CAST: variants seen among roughly 807,000 people sequenced by gnomAD.
CAST encodes MIR583 host.
Under a neutral mutation model 119.6 loss-of-function variants are expected in CAST, and 76 were observed. That is an observed-to-expected ratio of 0.64 (90% CI 0.53 to 0.77). The LOEUF (loss-of-function observed/expected upper bound fraction) is 0.77. Ranked by LOEUF, CAST falls within the 30% of genes least tolerant of loss-of-function variation. The pLI is 0.00. For synonymous variants in CAST, 319 were observed against 331.6 expected, an observed-to-expected ratio of 0.96 and a Z score of 0.41; for missense variants, 953 against 946.5, an observed-to-expected ratio of 1.01 and a Z score of -0.09.
Position 96,756,454 on chromosome 5 carries a change from C to G in CAST, c.1711-990C>G, listed in dbSNP as rs114751980. Among the ~76,000 whole-genome samples, 526 of 152,296 alleles carry G rather than the reference C, an allele frequency of 3.5e-3. 2 individuals carry two copies. Among genetic ancestry groups the G allele is most frequent in the Non-Finnish European group, 5.6e-3 (384 of 68,032 alleles). The stretch of plus-strand genomic sequence containing the variant: ...ATCCCTCATCTGACATGCCTGGGGA[C>G]CAGAACTGTTTCAGATTTCAGACTT... On this transcript the variant is annotated intron_variant, in intron 22 of 31. Coordinates refer to ENST00000675179, the MANE Select transcript of CAST (RefSeq NM_001750.7).
At chr5:96,023,098 G>T in the CAST span, among the ~76,000 whole-genome samples, 2 of 152,286 alleles carry the variant, frequency 1.3e-5, no homozygotes, top group East Asian at 3.9e-4. Flanking sequence ...CCCAAGAATG[G>T]CTGGGGAAAG....
chr5:96,632,937 T>G (rs1451323941), intron 1 of CAST, among the ~76,000 whole-genome samples: 3 of 152,180 alleles, frequency 2.0e-5, no homozygotes, highest in Admixed American at 1.3e-4. Context: ...GGGATTGCAT[T>G]TATTCCATAT....
chr5:96,012,168 T>G, the CAST span, among the ~76,000 whole-genome samples: 1 of 152,332 alleles, frequency 6.6e-6, no homozygotes, highest in East Asian at 1.9e-4. Context: ...TGTCCTGATT[T>G]ATGACTATGG....
At chr5:96,740,598 G>T (rs953304084) in intron 12 of CAST, 147 bp from the exon 13 acceptor site, 16 of 658,314 alleles carry the variant, frequency 2.4e-5, no homozygotes, top group Non-Finnish European at 4.1e-5. Flanking sequence ...CTCAAAATCA[G>T]GTCTCGTTTT....
chr5:96,451,120 A>G, the CAST span, among the ~76,000 whole-genome samples: 3 of 151,920 alleles, frequency 2.0e-5, no homozygotes, highest in Non-Finnish European at 4.4e-5. Flanking sequence ...TGCTCCTGTG[A>G]TATCTGTTTA....
chr5:96,754,988 A>G (rs941308213), intron 22 of CAST: 3 of 280,392 alleles, frequency 1.1e-5, no homozygotes, highest in Admixed American at 5.1e-5. Context: ...TTCCTTTCTA[A>G]CCCACAGCTT....
chr5:96,362,360 G>T, the CAST span, among the ~76,000 whole-genome samples: 1 of 152,174 alleles, frequency 6.6e-6, no homozygotes, highest in Middle Eastern at 3.2e-3. Flanking sequence ...GTAATGGGAT[G>T]GCTGGGTCAA....
chr5:96,211,305 G>C, the CAST span, among the ~76,000 whole-genome samples: 1 of 151,942 alleles, frequency 6.6e-6, no homozygotes, highest in African/African-American at 2.4e-5. Flanking sequence ...TTAACCAGTT[G>C]AGGAAATTCA....
chr5:96,471,404 A>G, the CAST span, among the ~76,000 whole-genome samples: 1 of 152,178 alleles, frequency 6.6e-6, no homozygotes, highest in Non-Finnish European at 1.5e-5. Context: ...ATTTTGCTTG[A>G]ACTAGCTAAA....
intron 9 of CAST, among the ~76,000 whole-genome samples, chr5:96,735,039 T>C (rs1761341783): frequency 6.6e-6 from 1 of 151,978 alleles, no homozygotes; most frequent in African/African-American, 2.4e-5. Flanking sequence ...CTGCATGAGG[T>C]AGTGGCTGAA....
At chr5:96,121,361 A>T in the CAST span, among the ~76,000 whole-genome samples, 1 of 152,082 alleles carries the variant, frequency 6.6e-6, no homozygotes, top group African/African-American at 2.4e-5. Flanking sequence ...GGCTGCTAGG[A>T]CTATTAAATA....
chr5:96,348,430 C>T, the CAST span, among the ~76,000 whole-genome samples: 2 of 151,448 alleles, frequency 1.3e-5, no homozygotes, highest in East Asian at 3.9e-4. Flanking sequence ...TTTGTTGGTG[C>T]CTGATTCCTA....
At chr5:96,440,392 C>A in the CAST span, among the ~76,000 whole-genome samples, 2 of 152,134 alleles carry the variant, frequency 1.3e-5, no homozygotes, top group Non-Finnish European at 2.9e-5. Context: ...ACCCACGCTG[C>A]AGCTGTAGCT....
the CAST span, chr5:96,079,110 G>A: frequency 2.1e-6 from 1 of 471,002 alleles, no homozygotes; most frequent in African/African-American, 2.0e-5. Flanking sequence ...CTATTTAAAT[G>A]ATAGGAAGGC....
At chr5:96,691,701 G>A (rs1364707212) in intron 2 of CAST, among the ~76,000 whole-genome samples, 2 of 152,182 alleles carry the variant, frequency 1.3e-5, no homozygotes, top group African/African-American at 4.8e-5. Context: ...TATTCACCCT[G>A]CTCAGAAAAC....
intron 1 of CAST, among the ~76,000 whole-genome samples, chr5:96,669,882 C>G (rs778247769): frequency 5.3e-5 from 8 of 152,370 alleles, no homozygotes; most frequent in Non-Finnish European, 1.2e-4. Flanking sequence ...TTGGAATCAT[C>G]TGGGGAACTT....
chr5:96,346,178 G>C, the CAST span, among the ~76,000 whole-genome samples: 7 of 152,094 alleles, frequency 4.6e-5, no homozygotes, highest in African/African-American at 1.7e-4. Flanking sequence ...GATTGGCTAT[G>C]GTAGATAAAG....
intron 25 of CAST, chr5:96,763,367 T>C: frequency 1.4e-6 from 1 of 711,360 alleles, no homozygotes; most frequent in Non-Finnish European, 2.6e-6. Flanking sequence ...TGCATGTGCA[T>C]GTGCATGTGT....
At chr5:96,170,005 G>A in the CAST span, among the ~76,000 whole-genome samples, 1 of 152,170 alleles carries the variant, frequency 6.6e-6, no homozygotes, top group African/African-American at 2.4e-5. Context: ...AAAGGAACAA[G>A]GCCCTTGAAA....
Sources: allele counts gnomAD v4.1 joint callset (sites outside exome capture counted in the v4.1 genomes callset), GRCh38; gene constraint gnomAD v4.1.1; transcripts MANE v1.5; gene names NCBI Gene and HGNC (gene_info 2026-07-23, HGNC 2026-07-21).